FUT8: variants seen among roughly 807,000 people sequenced by gnomAD.
FUT8 encodes the protein fucosyltransferase 8.
FUT8 carries 29 observed loss-of-function variants against 71.3 expected under a neutral mutation model. The ratio of observed to expected loss-of-function variants is 0.41; its 90% confidence interval spans 0.30 to 0.55. The LOEUF (loss-of-function observed/expected upper bound fraction) is 0.55. Ranked by LOEUF, FUT8 falls within the 20% of genes least tolerant of loss-of-function variation. The pLI is 0.34. For synonymous variants in FUT8, 254 were observed against 239.3 expected, an observed-to-expected ratio of 1.06 and a Z score of -0.57; for missense variants, 544 against 702.1, an observed-to-expected ratio of 0.77 and a Z score of 2.55.
intron 7 of FUT8, among the ~76,000 whole-genome samples, chr14:65,677,169 CGCACGTATGTGTGT>C (rs1892797384): frequency 1.8e-5 from 2 of 108,582 alleles, no homozygotes; most frequent in African/African-American, 8.8e-5. Context: ...CGCATGCGCG[CGCACGTATGTGTGT>C]GCGCATGTGT....
At chr14:65,637,311 C>T (rs951503169) in intron 6 of FUT8, among the ~76,000 whole-genome samples, 1 of 152,112 alleles carries the variant, frequency 6.6e-6, no homozygotes, top group African/African-American at 2.4e-5. Flanking sequence ...CTGATGAGCT[C>T]ATGTTAAACA....
intron 6 of FUT8, among the ~76,000 whole-genome samples, chr14:65,645,125 A>G (rs143602886): frequency 2.0e-5 from 3 of 152,358 alleles, no homozygotes; most frequent in African/African-American, 4.8e-5. Flanking sequence ...GCACGTGTGC[A>G]TGAATGACCG....
At chr14:65,447,291 C>G (rs79547200) in intron 1 of FUT8, among the ~76,000 whole-genome samples, 1 of 81,820 alleles carries the variant, frequency 1.2e-5, no homozygotes, top group Admixed American at 1.3e-4. Flanking sequence ...GAGACTCTCT[C>G]AAAAAAAAAA....
the FUT8 span, among the ~76,000 whole-genome samples, chr14:65,373,948 G>A: frequency 7.4e-6 from 1 of 134,682 alleles, no homozygotes; most frequent in Non-Finnish European, 1.6e-5. Flanking sequence ...GGGTTAAGAG[G>A]AGAAGAACCG....
chr14:65,381,442 C>G, the FUT8 span, among the ~76,000 whole-genome samples: 1 of 152,198 alleles, frequency 6.6e-6, no homozygotes, highest in Non-Finnish European at 1.5e-5. Flanking sequence ...ATTTTTGCTT[C>G]TTATTCCATC....
At chr14:65,405,449 A>C in the FUT8 span, among the ~76,000 whole-genome samples, 2 of 152,348 alleles carry the variant, frequency 1.3e-5, no homozygotes, top group Non-Finnish European at 2.9e-5. Context: ...TCACTTTCAT[A>C]AACTTGATGG....
At chr14:65,500,043 C>G (rs1417833550) in intron 2 of FUT8, among the ~76,000 whole-genome samples, 1 of 152,112 alleles carries the variant, frequency 6.6e-6, no homozygotes, top group African/African-American at 2.4e-5. Flanking sequence ...CAATGTTTTT[C>G]AAACTTTAAT....
chr14:65,635,931 G>A (rs1294211415), intron 6 of FUT8, among the ~76,000 whole-genome samples: 1 of 151,654 alleles, frequency 6.6e-6, no homozygotes, highest in African/African-American at 2.4e-5. Flanking sequence ...TCCTTTAAAT[G>A]TCTGGTAGAA....
At chr14:65,651,819 A>G (rs1198800328) in intron 6 of FUT8, among the ~76,000 whole-genome samples, 2 of 152,238 alleles carry the variant, frequency 1.3e-5, no homozygotes, top group Non-Finnish European at 2.9e-5. Context: ...ATTTAGATCA[A>G]TATAAATTAT....
intron 2 of FUT8, among the ~76,000 whole-genome samples, chr14:65,484,855 G>A (rs562489349): frequency 1.4e-4 from 21 of 151,790 alleles, no homozygotes; most frequent in Non-Finnish European, 2.6e-4. Flanking sequence ...TTTTTGTGTT[G>A]TATTTTTGGA....
chr14:65,623,628 G>A (rs1889739771), intron 5 of FUT8, among the ~76,000 whole-genome samples: 1 of 152,186 alleles, frequency 6.6e-6, no homozygotes, highest in Non-Finnish European at 1.5e-5. Context: ...TAACACAGGA[G>A]AATTGCTTCA....
rs1169615359 is a variant in FUT8, at chr14:65,660,349, T to C, written c.598-8894T>C. On this transcript the variant is annotated intron_variant, in intron 6 of 10. Transcript: ENST00000673929. The surrounding 1 kb of genome is among the most constrained non-coding windows in gnomAD (Gnocchi z 4.1). ...CTTTTAAAAATGACTTTAAAGCATT[T>C]AATAGAGACTTTCAGGTAAAGAGCA... Among the ~76,000 whole-genome samples the C allele has an allele frequency of 6.6e-6, 1 of 152,176 alleles. No individual in the cohort carries two copies. The highest frequency in any genetic ancestry group is 1.5e-5 in the Non-Finnish European group (1 of 68,012).
chr14:65,402,392 G>T, the FUT8 span, among the ~76,000 whole-genome samples: 2 of 151,808 alleles, frequency 1.3e-5, no homozygotes, highest in Non-Finnish European at 2.9e-5. Context: ...TCTGGGGCTG[G>T]GCGTGGTGGC....
intron 2 of FUT8, among the ~76,000 whole-genome samples, chr14:65,548,622 T>C (rs1885109448): frequency 6.6e-6 from 1 of 152,066 alleles, no homozygotes; most frequent in Non-Finnish European, 1.5e-5. Context: ...TAAAACTTCT[T>C]AAAGAACCCA....
chr14:65,608,293 G>A (rs1322835822), intron 3 of FUT8, among the ~76,000 whole-genome samples: 3 of 151,470 alleles, frequency 2.0e-5, no homozygotes, highest in African/African-American at 7.3e-5. Context: ...TTGCTTATTT[G>A]TGCCTACGTT....
In FUT8 at chr14:65,742,347, C is replaced by G. The variant is rs1210396815; in HGVS notation, c.1665C>G (p.Ser555=). The change falls in exon 11 of 11, where the codon TCC becomes TCG. Residue 555 remains serine (S), a synonymous_variant. Transcript: ENST00000673929. ...TGGGAAGGACGGGCCTATATCCCTC[C>G]TACAAAGTTCGAGAGAAGATAGAAA... ...RKLGRTGLYP[S]YKVREKIETV... The G allele has an allele frequency of 6.2e-7, 1 of 1,612,694 alleles. No homozygotes were observed. The highest frequency in any genetic ancestry group is 1.3e-5 in the African/African-American group (1 of 74,900).
chr14:65,722,509 A>T (rs997721554), intron 8 of FUT8, among the ~76,000 whole-genome samples: 1 of 152,152 alleles, frequency 6.6e-6, no homozygotes, highest in Non-Finnish European at 1.5e-5. Context: ...CTTGTGTCTT[A>T]GTCTTCATAT....
intron 3 of FUT8, among the ~76,000 whole-genome samples, chr14:65,573,751 A>AT (rs56745841): frequency 4.0e-5 from 6 of 151,666 alleles, no homozygotes; most frequent in African/African-American, 1.5e-4. Flanking sequence ...AAAAAAAAAA[A>AT]TAGGGCGTCA....
At chr14:65,508,491 G>GTTTTTTTTTTTTTTTTTTTT (rs34809476) in intron 2 of FUT8, among the ~76,000 whole-genome samples, 1 of 46,492 alleles carries the variant, frequency 2.2e-5, no homozygotes, top group African/African-American at 8.5e-5. Context: ...AGTTGTTTGA[G>GTTTTTTTTTTTTTTTTTTTT]TTTTTTTTTT....
Sources: allele counts gnomAD v4.1 joint callset (sites outside exome capture counted in the v4.1 genomes callset), GRCh38; gene constraint gnomAD v4.1.1; non-coding constraint Gnocchi (gnomAD v3.1); transcripts MANE v1.5; gene names NCBI Gene and HGNC (gene_info 2026-07-23, HGNC 2026-07-21).